Variants in NOS1 observed in about 807,000 individuals in gnomAD.
The protein encoded by NOS1 is nitric oxide synthase 1.
Under a neutral mutation model 164.5 loss-of-function variants are expected in NOS1, and 51 were observed. The ratio of observed to expected loss-of-function variants is 0.31; its 90% CI spans 0.25 to 0.39. The LOEUF (loss-of-function observed/expected upper bound fraction) is 0.39. Among genes scored for constraint, NOS1 ranks in the 10% least tolerant of loss-of-function variants. The probability of loss-of-function intolerance (pLI) is 1.00; values close to 1 mark genes in which losing one functional copy is unlikely to be tolerated. For synonymous variants in NOS1, 719 were observed against 745.8 expected (o/e 0.96, Z 0.59); for missense variants, 1,362 against 1,885.6 (o/e 0.72, Z 5.14).
Position 117,209,002 on chromosome 12 carries a change from C to T in NOS1, c.*6307G>A. ...CCTCCCAAAGTCCTGTGATTACAGG[C>T]ATGAGCCACCACGCCTGGCCTGGGA... On this transcript the variant is annotated 3_prime_UTR_variant, in exon 29 of 29. Coordinates refer to ENST00000317775, the MANE Select transcript of NOS1 (RefSeq NM_000620.5). The T allele has an allele frequency of 1.0e-6, 1 of 981,868 alleles. No homozygotes were observed. The highest frequency in any genetic ancestry group is 1.2e-6 in the Non-Finnish European group (1 of 826,826). 60.8% of individuals were successfully genotyped at this position (981,868 alleles called of 1,614,324 possible).
chr12:117,260,584 T>C lies in NOS1; in HGVS notation c.2248A>G (p.Met750Val). Reference sequence around the variant, plus strand: ...ACCCTCTTGGCCATAGCCTGCCCCATCAGCTTGGCCGAGAACTTGACAGCT... The same window carrying C: ...ACCCTCTTGGCCATAGCCTGCCCCACCAGCTTGGCCGAGAACTTGACAGCT... Reference protein sequence around the residue: ...AEAVKFSAKLMGQAMAKRVKA... With the variant: ...AEAVKFSAKLVGQAMAKRVKA... Residue 750 changes from methionine to valine, a missense_variant, in exon 14 of 29, where the codon ATG becomes GTG. Physicochemically the swap from Met to Val is conservative, Grantham distance 21 (BLOSUM62 1). Transcript: ENST00000317775. 1 of 1,613,858 alleles carries C rather than the reference T, an allele frequency of 6.2e-7. No individual in the cohort carries two copies. Among genetic ancestry groups the C allele is most frequent in the Non-Finnish European group, 8.5e-7 (1 of 1,179,894 alleles).
intron 1 of NOS1, among the ~76,000 whole-genome samples, chr12:117,341,900 G>A (rs1416079409): frequency 6.6e-6 from 1 of 152,162 alleles, no homozygotes; most frequent in Non-Finnish European, 1.5e-5. Context: ...ATGTGGTACT[G>A]TTGACTATTA....
Position 117,231,982 on chromosome 12 carries a change from G to T in NOS1, c.3385C>A (p.Arg1129Ser), listed in dbSNP as rs772708191. 23 of 1,612,504 alleles carry T rather than the reference G, an allele frequency of 1.4e-5. No individual in the cohort carries two copies. The highest frequency in any genetic ancestry group is 1.8e-5 in the Non-Finnish European group (21 of 1,179,744). Reference sequence around the variant, plus strand: ...CCCACCTTGCTGAGGACCAGCAGACGCTGCTTCTCCTTCTCGCTGGTAGCT... The same window carrying T: ...CCCACCTTGCTGAGGACCAGCAGACTCTGCTTCTCCTTCTCGCTGGTAGCT... ...SLATSEKEKQ[R>S]LLVLSKGLQE... Residue 1129 changes from arginine (R) to serine (S), a missense_variant, in exon 22 of 29, where the codon CGT becomes AGT. This residue lies in a region of NOS1 where 737 missense variants were observed against 1,030.3 expected (regional missense o/e 0.72). Transcript: ENST00000317775.
At chr12:117,222,609 G>A (rs1304927118) in intron 26 of NOS1, 106 bp downstream of exon 26, 14 of 1,064,908 alleles carry the variant, frequency 1.3e-5, no homozygotes, top group Non-Finnish European at 1.7e-5. Flanking sequence ...CTTCATAGAG[G>A]GAAAATCAGG....
intron 2 of NOS1, among the ~76,000 whole-genome samples, chr12:117,320,683 T>C (rs749828711): frequency 3.9e-5 from 6 of 152,174 alleles, no homozygotes; most frequent in African/African-American, 4.8e-5. Flanking sequence ...GGGTGGTTGA[T>C]GGGCCCACCC....
At position 117,247,594 on chromosome 12, in the gene NOS1, C is replaced by T. The variant is rs9658463; in HGVS notation, c.2649-72G>A. ...TGTGGGGAGTGTCTGGTGTAATGGG[C>T]TAAACTGTGTCCCCCCAAATTTCAT... is the stretch of plus-strand genomic sequence containing the variant. On this transcript the variant is annotated intron_variant, in intron 17 of 28. Transcript: ENST00000317775. 0.033 allele frequency: 45,105 copies of T among 1,356,120 alleles called. 6,933 individuals are homozygous for T. The African/African-American group carries it at 0.44, about 13-fold the overall frequency. The allele number at this position is 1,356,120 out of a possible 1,614,324, so 84.0% of individuals were successfully genotyped here. A position where few individuals can be genotyped will look rare whatever the true frequency, so the allele number is the denominator to read the frequency against.
At chr12:117,341,047 A>G (rs1876088322) in intron 1 of NOS1, among the ~76,000 whole-genome samples, 1 of 152,032 alleles carries the variant, frequency 6.6e-6, no homozygotes, top group African/African-American at 2.4e-5. Flanking sequence ...TTTCTATGTT[A>G]TTACAATGCA....
At chr12:117,275,139 T>TA (rs1873080570) in intron 9 of NOS1, among the ~76,000 whole-genome samples, 1 of 152,080 alleles carries the variant, frequency 6.6e-6, no homozygotes, top group African/African-American at 2.4e-5. Context: ...ATGTACCGCA[T>TA]AAATATATAC....
intron 1 of NOS1, among the ~76,000 whole-genome samples, chr12:117,335,047 C>T (rs770671393): frequency 6.6e-6 from 1 of 152,094 alleles, no homozygotes; most frequent in Non-Finnish European, 1.5e-5. Context: ...CTCTGAGTAA[C>T]GGGGAGGGTT....
At chr12:117,286,565 G>A (rs557060650) in intron 5 of NOS1, among the ~76,000 whole-genome samples, 3 of 152,274 alleles carry the variant, frequency 2.0e-5, no homozygotes, top group African/African-American at 7.2e-5. Context: ...TCACCTGACA[G>A]GAGTGGGGAC....
intron 1 of NOS1, among the ~76,000 whole-genome samples, chr12:117,357,268 C>T (rs1175867867): frequency 1.3e-5 from 2 of 152,118 alleles, no homozygotes; most frequent in African/African-American, 4.8e-5. Context: ...AGCCCCTTCC[C>T]TCTGAAAGGG....
intron 1 of NOS1, among the ~76,000 whole-genome samples, chr12:117,335,284 G>A (rs891236534): frequency 3.3e-5 from 5 of 152,138 alleles, no homozygotes; most frequent in Non-Finnish European, 7.4e-5. Flanking sequence ...CGGTCTGGGT[G>A]GGGGGCACCG....
chr12:117,330,682 T>TG lies in NOS1; in HGVS notation c.387dup (p.Thr130HisfsTer36). On this transcript the variant is annotated frameshift_variant, in exon 2 of 29. Coordinates refer to ENST00000317775, the MANE Select transcript of NOS1 (RefSeq NM_000620.5). LOFTEE classifies it high-confidence loss of function. This position sits in a 1 kb window ranked among gnomAD's most constrained non-coding sequence, Gnocchi z 4.6. ...TGGTGGGACAGATCCACGGCTTTGG[T>TG]GGGGGGACCCAGGGGCTGTGTCACC... 4 of 1,613,308 alleles carry TG rather than the reference T, an allele frequency of 2.5e-6. No homozygotes were observed. The highest frequency in any genetic ancestry group is 3.4e-6 in the Non-Finnish European group (4 of 1,179,680).
chr12:117,302,463 G>C (rs538425547), intron 3 of NOS1, among the ~76,000 whole-genome samples: 1 of 151,876 alleles, frequency 6.6e-6, no homozygotes, highest in Non-Finnish European at 1.5e-5. Context: ...GTGAGGTGGC[G>C]GGCGCCTGTA....
Position 117,283,189 on chromosome 12 carries a change from T to C in NOS1, c.1382+2052A>G, listed in dbSNP as rs184651428. On this transcript the variant is annotated intron_variant, in intron 7 of 28. Transcript: ENST00000317775. ...AATCCTCCCACCTCAGCCTCCCAAG[T>C]AGCTGGGACTACAGGCACACTCCAG... 2.1e-3 allele frequency among the ~76,000 whole-genome samples: 314 copies of C among 151,966 alleles called. 2 individuals are homozygous for C. The highest frequency in any genetic ancestry group is 7.2e-3 in the African/African-American group (298 of 41,474).
At chr12:117,235,153 A>G (rs113731963) in intron 20 of NOS1, among the ~76,000 whole-genome samples, 13 of 152,160 alleles carry the variant, frequency 8.5e-5, no homozygotes, top group African/African-American at 2.7e-4. Flanking sequence ...TGTGAGCTGA[A>G]GCAATCTTCC....
chr12:117,216,843 C>G (rs767793484), intron 28 of NOS1, among the ~76,000 whole-genome samples: 1 of 152,046 alleles, frequency 6.6e-6, no homozygotes, highest in Non-Finnish European at 1.5e-5. Flanking sequence ...CTACTGGCCA[C>G]GACAGTATGT....
intron 20 of NOS1, among the ~76,000 whole-genome samples, chr12:117,239,950 G>A (rs955403921): frequency 1.3e-5 from 2 of 150,906 alleles, no homozygotes; most frequent in Admixed American, 6.6e-5. Flanking sequence ...TTAGAGTCAG[G>A]TGCCTCCTCT....
rs1875501018 is a variant in NOS1, at chr12:117,330,722, G to T, written c.348C>A (p.Thr116=). 1 of 1,613,900 alleles carries T rather than the reference G, an allele frequency of 6.2e-7. No homozygotes were observed. The highest frequency in any genetic ancestry group is 1.1e-5 in the South Asian group (1 of 91,088). ...GCTGTGTCACCCGGATGGTCTTGGG[G>T]GTCCCATCACCTGTAAAGGTGGTCT... is the stretch of plus-strand genomic sequence containing the variant. ...HLETTFTGDG[T]PKTIRVTQPL... is the part of the protein sequence containing the mutation. The change falls in exon 2 of 29, where the codon ACC becomes ACA. Residue 116 remains threonine (T), a synonymous_variant. Coordinates refer to ENST00000317775, the MANE Select transcript of NOS1 (RefSeq NM_000620.5). This position sits in a 1 kb window ranked among gnomAD's most constrained non-coding sequence, Gnocchi z 4.6.
Sources: allele counts gnomAD v4.1 joint callset (sites outside exome capture counted in the v4.1 genomes callset), GRCh38; gene constraint gnomAD v4.1.1; regional missense constraint gnomAD v4.1.1; non-coding constraint Gnocchi (gnomAD v3.1); transcripts MANE v1.5; gene names NCBI Gene and HGNC (gene_info 2026-07-23, HGNC 2026-07-21).